Variants in CDH18 observed in about 807,000 individuals in gnomAD.
CDH18 encodes the protein cadherin-18.
Under a neutral mutation model 67.9 loss-of-function variants are expected in CDH18, and 31 were observed. The ratio of observed to expected loss-of-function variants is 0.46; its 90% CI spans 0.34 to 0.62. The LOEUF is 0.62. CDH18 is among the 20% of genes least tolerant of loss of function. The pLI is 0.01. For synonymous variants in CDH18, 362 were observed against 347.2 expected, an observed-to-expected ratio of 1.04 and a Z score of -0.48; for missense variants, 890 against 975.5, an observed-to-expected ratio of 0.91 and a Z score of 1.17.
At chr5:19,562,953 A>G (rs985163922) in intron 8 of CDH18, among the ~76,000 whole-genome samples, 2 of 152,138 alleles carry the variant, frequency 1.3e-5, no homozygotes, top group African/African-American at 4.8e-5. Context: ...TAACTACAAT[A>G]CGGAGAAACT....
intron 2 of CDH18, among the ~76,000 whole-genome samples, chr5:19,957,951 G>A (rs1024224392): frequency 2.0e-5 from 3 of 151,964 alleles, no homozygotes; most frequent in African/African-American, 4.8e-5. Context: ...ACATTGATGA[G>A]TGCCTTTTAT....
At chr5:19,507,859 A>T (rs1315842788) in intron 10 of CDH18, among the ~76,000 whole-genome samples, 1 of 152,114 alleles carries the variant, frequency 6.6e-6, no homozygotes, top group Non-Finnish European at 1.5e-5. Context: ...TACATATGTA[A>T]CCAACCTGCA....
At chr5:20,087,966 G>C (rs1430920265) in intron 2 of CDH18, among the ~76,000 whole-genome samples, 1 of 152,136 alleles carries the variant, frequency 6.6e-6, no homozygotes, top group African/African-American at 2.4e-5. Flanking sequence ...AAAGATATAT[G>C]TATATAATCT....
rs1314451063 is a variant in CDH18 at position 19,472,668 on chromosome 5, T to C, written c.*558A>G. ...AAGAACTGGGGAGGGCAAAGGGAAATGGTACATACAAGTCCATGATAGAGT... is the reference window on the plus strand; with the variant it reads ...AAGAACTGGGGAGGGCAAAGGGAAACGGTACATACAAGTCCATGATAGAGT... On this transcript the variant is annotated 3_prime_UTR_variant, in exon 13 of 13. Coordinates refer to ENST00000382275, the MANE Select transcript of CDH18 (RefSeq NM_004934.5). Among the ~76,000 whole-genome samples the C allele has an allele frequency of 1.3e-5, 2 of 152,164 alleles. No individual in the cohort carries two copies. Among genetic ancestry groups the C allele is most frequent in the East Asian group, 3.9e-4 (2 of 5,156 alleles).
chr5:19,598,409 C>T (rs351297), intron 6 of CDH18, among the ~76,000 whole-genome samples: 5,798 of 152,034 alleles, frequency 0.038, 325 homozygotes, highest in African/African-American at 0.12. Context: ...TACAATCTTG[C>T]ATCTTTTTTT....
intron 1 of CDH18, among the ~76,000 whole-genome samples, chr5:20,292,981 C>T (rs2940438): frequency 0.12 from 17,756 of 152,054 alleles, 1,572 homozygotes; most frequent in African/African-American, 0.24. Flanking sequence ...TTTTAGGGGA[C>T]ACAACTCAAC....
chr5:20,504,433 G>A (rs760605342), intron 1 of CDH18, among the ~76,000 whole-genome samples: 4 of 152,106 alleles, frequency 2.6e-5, no homozygotes, highest in Admixed American at 1.3e-4. Context: ...ACACGGCTTC[G>A]TGATTATTAA....
At chr5:20,250,589 C>CTTTTTTTT (rs70954644) in intron 2 of CDH18, among the ~76,000 whole-genome samples, 2 of 33,568 alleles carry the variant, frequency 6.0e-5, no homozygotes, top group Admixed American at 5.0e-4. Flanking sequence ...CGGCCCATGG[C>CTTTTTTTT]TTTTTTTTTT....
chr5:20,097,971 C>T (rs28662496), intron 2 of CDH18, among the ~76,000 whole-genome samples: 3,486 of 151,870 alleles, frequency 0.023, 62 homozygotes, highest in African/African-American at 0.042. Context: ...TTATATCTTT[C>T]GATTAGATTA....
chr5:20,255,477 T>G (rs1744162046), exon 2 of CDH18: 1 of 152,132 alleles, frequency 6.6e-6, no homozygotes, highest in Admixed American at 6.5e-5. Context: ...TTGGTGTGTG[T>G]TCTTCTTACA....
chr5:20,564,468 G>A (rs116481446), intron 1 of CDH18, among the ~76,000 whole-genome samples: 2,641 of 151,706 alleles, frequency 0.017, 80 homozygotes, highest in African/African-American at 0.06. Flanking sequence ...CAGTAGAGAC[G>A]GGGTTTCACC....
intron 2 of CDH18, among the ~76,000 whole-genome samples, chr5:20,188,846 G>A (rs1339351430): frequency 6.0e-5 from 3 of 50,190 alleles, no homozygotes; most frequent in African/African-American, 2.3e-4. Flanking sequence ...TTATTTTCTA[G>A]GCAAAAAAAA....
intron 2 of CDH18, among the ~76,000 whole-genome samples, chr5:20,211,104 G>A (rs1740316138): frequency 6.6e-6 from 1 of 151,942 alleles, no homozygotes; most frequent in Non-Finnish European, 1.5e-5. Context: ...AAATGTTTTG[G>A]TTTCCCAGTA....
intron 5 of CDH18, among the ~76,000 whole-genome samples, chr5:19,694,094 C>A (rs1762243296): frequency 6.6e-6 from 1 of 152,088 alleles, no homozygotes; most frequent in African/African-American, 2.4e-5. Context: ...AACAGACGCA[C>A]AAACAGAAAC....
intron 3 of CDH18, among the ~76,000 whole-genome samples, chr5:19,814,375 C>T (rs756528488): frequency 3.1e-4 from 47 of 152,000 alleles, no homozygotes; most frequent in Non-Finnish European, 3.8e-4. Flanking sequence ...AACACTCTTG[C>T]ATATGCACAC....
chr5:20,139,193 C>G (rs1429528123), intron 2 of CDH18, among the ~76,000 whole-genome samples: 1 of 152,020 alleles, frequency 6.6e-6, no homozygotes, highest in African/African-American at 2.4e-5. Context: ...TTTGACAAAC[C>G]TGACAAAAAC....
intron 2 of CDH18, among the ~76,000 whole-genome samples, chr5:20,075,054 C>T (rs1387502411): frequency 6.6e-6 from 1 of 152,098 alleles, no homozygotes; most frequent in Non-Finnish European, 1.5e-5. Context: ...TTTGTAACAT[C>T]CACAGAGAGT....
intron 6 of CDH18, among the ~76,000 whole-genome samples, chr5:19,591,991 T>C (rs1745220140): frequency 6.6e-6 from 1 of 152,140 alleles, no homozygotes. Flanking sequence ...ATATTTTATA[T>C]ACACAAGTGG....
At chr5:20,392,442 T>C (rs1434292094) in intron 1 of CDH18, among the ~76,000 whole-genome samples, 1 of 151,914 alleles carries the variant, frequency 6.6e-6, no homozygotes, top group Non-Finnish European at 1.5e-5. Context: ...ATAATTTTAT[T>C]TTTCTGAGGT....
Sources: allele counts gnomAD v4.1 joint callset (sites outside exome capture counted in the v4.1 genomes callset), GRCh38; gene constraint gnomAD v4.1.1; transcripts MANE v1.5; gene names NCBI Gene and HGNC (gene_info 2026-07-23, HGNC 2026-07-21).